ACOT9: variants seen among roughly 807,000 people sequenced by gnomAD.
ACOT9 encodes the protein acyl-coenzyme A thioesterase 9, mitochondrial.
In ACOT9, 34 loss-of-function variants were observed where a neutral mutation model predicts 39.7. That is an observed-to-expected ratio of 0.86 (90% CI 0.65 to 1.14). The LOEUF is 1.14. ACOT9 is among the 50% of genes most tolerant of loss of function. The pLI is 0.00. For missense variants in ACOT9, 313 were observed against 344.1 expected, an observed-to-expected ratio of 0.91 and a Z score of 0.71; for synonymous variants, 110 against 120.5, an observed-to-expected ratio of 0.91 and a Z score of 0.57.
Position 23,703,635 on chromosome X carries a change from T to A in ACOT9, c.*259A>T. ...GCCCAGCCTCTCAATTTTTTTGTTT[T>A]TTCAGAAGATGGGAGGCAACATGGT... On this transcript the variant is annotated 3_prime_UTR_variant, in exon 16 of 16. Transcript: ENST00000379303. 4.0e-6 allele frequency: 1 copy of A among 250,186 alleles called. No individual in the cohort carries two copies. Among genetic ancestry groups the A allele is most frequent in the Non-Finnish European group, 7.1e-6 (1 of 140,029 alleles). 20.6% of individuals were successfully genotyped at this position (250,186 alleles called of 1,213,427 possible).
In ACOT9 at chrX:23,703,780, C is replaced by T; in HGVS notation, c.*114G>A. The T allele has an allele frequency of 1.8e-6, 1 of 566,148 alleles. No homozygotes were observed. Among genetic ancestry groups the T allele is most frequent in the Non-Finnish European group, 2.9e-6 (1 of 342,276 alleles). 46.7% of individuals were successfully genotyped at this position (566,148 alleles called of 1,213,427 possible). On this transcript the variant is annotated 3_prime_UTR_variant, in exon 16 of 16. Transcript: ENST00000379303. ...GATCATCCTAAAGGCTGAATACATCCTCCTCCTGTGTGGAGGACACGAAGC... is the reference window on the plus strand; with the variant it reads ...GATCATCCTAAAGGCTGAATACATCTTCCTCCTGTGTGGAGGACACGAAGC...
intron 8 of ACOT9, among the ~76,000 whole-genome samples, chrX:23,718,538 GT>G (rs747231845): frequency 8.9e-6 from 1 of 112,256 alleles, no homozygotes; most frequent in East Asian, 2.8e-4. Context: ...TAAAAGGCAG[GT>G]CCTGTGCCAG....
Position 23,704,832 on chromosome X carries a change from G to A in ACOT9, c.1120C>T (p.Gln374Ter). 8.3e-7 allele frequency: 1 copy of A among 1,209,340 alleles called. No homozygotes were observed. Reference protein sequence around the residue: ...LFLSSQVCFTQNNYIQVRVHS... With the variant: ...LFLSSQVCFT ...ACTCTGACTTGAATATAATTATTCT[G>A]AGTAAAGCATACCTAACAGATTATA... The change falls in exon 15 of 16, where the codon CAG becomes TAG. Residue 374 changes from glutamine to a stop codon, truncating the protein, a stop_gained. Transcript: ENST00000379303. LOFTEE classifies it high-confidence loss of function.
chrX:23,734,451 G>A, intron 2 of ACOT9, 84 bp from the exon 3 acceptor site: 1 of 828,137 alleles, frequency 1.2e-6, no homozygotes, highest in Non-Finnish European at 1.7e-6. Flanking sequence ...CAAATACTGT[G>A]TTGAGTTTAT....
chrX:23,719,555 C>T (rs772271619), intron 8 of ACOT9, among the ~76,000 whole-genome samples: 44 of 63,097 alleles, frequency 7.0e-4, no homozygotes, highest in Non-Finnish European at 1.1e-3. Flanking sequence ...AATTTTTCCA[C>T]GGAATGGGGT....
rs1219292413 is a variant in ACOT9 at position 23,701,482 on chromosome X, T to TA, written c.*2411dup. On this transcript the variant is annotated 3_prime_UTR_variant, in exon 16 of 16. Coordinates refer to ENST00000379303, the MANE Select transcript of ACOT9 (RefSeq NM_001037171.2). Reference sequence around the variant, plus strand: ...TCAATAAACATTACATAAACTAATATAAAAAAATTGCTTGAGACAGGGTCT... The same window carrying TA: ...TCAATAAACATTACATAAACTAATATAAAAAAAATTGCTTGAGACAGGGTCT... Among the ~76,000 whole-genome samples the TA allele has an allele frequency of 3.6e-5, 4 of 110,703 alleles. No homozygotes were observed. The highest frequency in any genetic ancestry group is 7.6e-5 in the Non-Finnish European group (4 of 52,949).
At chrX:23,720,080 G>A (rs909565878) in intron 8 of ACOT9, among the ~76,000 whole-genome samples, 14 of 112,505 alleles carry the variant, frequency 1.2e-4, no homozygotes, top group East Asian at 5.6e-4. Flanking sequence ...TGATCTGCCC[G>A]CCTTGGCCTC....
rs993536719 is a variant in ACOT9 at position 23,713,223 on chromosome X, A to G, written c.589-15T>C. The stretch of plus-strand genomic sequence containing the variant: ...TCACCATGTAACTGAAGAACAAAGG[A>G]AAGAAAATGTACATATGAGAAATGG... On this transcript the variant is annotated splice_polypyrimidine_tract_variant and intron_variant, in intron 8 of 15. Coordinates refer to ENST00000379303, the MANE Select transcript of ACOT9 (RefSeq NM_001037171.2). 1.7e-6 allele frequency: 2 copies of G among 1,169,276 alleles called. No homozygotes were observed.
At chrX:23,739,040 T>C (rs1255328075) in intron 1 of ACOT9, among the ~76,000 whole-genome samples, 2 of 111,532 alleles carry the variant, frequency 1.8e-5, no homozygotes, top group African/African-American at 6.5e-5. Flanking sequence ...GGCGTATCAC[T>C]TGAGGTTAGG....
At chrX:23,721,083 T>TTTTA (rs1270838133) in intron 8 of ACOT9, among the ~76,000 whole-genome samples, 2 of 110,216 alleles carry the variant, frequency 1.8e-5, no homozygotes, top group East Asian at 2.8e-4. Flanking sequence ...ATTTCTCTAT[T>TTTTA]TTTATTTATT....
In ACOT9 at chrX:23,702,881, G is replaced by A; in HGVS notation, c.*1013C>T. 8.9e-6 allele frequency: 1 copy of A among 112,001 alleles called. No homozygotes were observed. Among genetic ancestry groups the A allele is most frequent in the Middle Eastern group, 4.2e-3 (1 of 240 alleles). 9.2% of individuals were successfully genotyped at this position (112,001 alleles called of 1,213,427 possible). A position where few individuals can be genotyped will look rare whatever the true frequency, so the allele number is the denominator to read the frequency against. On this transcript the variant is annotated 3_prime_UTR_variant, in exon 16 of 16. Coordinates refer to ENST00000379303, the MANE Select transcript of ACOT9 (RefSeq NM_001037171.2). ...TGGTGCCTATCTAGCACATGGCAAT[G>A]CTCCATAAGCATAAGCAGCTATTAT...
chrX:23,706,610 G>GAAAA lies in ACOT9; in HGVS notation c.842+17_842+18insTTTT. The GAAAA allele has an allele frequency of 9.1e-6, 8 of 881,511 alleles. No homozygotes were observed. Among genetic ancestry groups the GAAAA allele is most frequent in the Non-Finnish European group, 1.2e-5 (7 of 600,574 alleles). The allele number at this position is 881,511 out of a possible 1,213,427, so 72.6% of individuals were successfully genotyped here. On this transcript the variant is annotated intron_variant, in intron 11 of 15. Coordinates refer to ENST00000379303, the MANE Select transcript of ACOT9 (RefSeq NM_001037171.2). Reference sequence around the variant, plus strand: ...AAGGTTTAAATGTTTTCCCAACGTGGAATCTCACCATCCTTACTTTGGATC... The same window carrying GAAAA: ...AAGGTTTAAATGTTTTCCCAACGTGGAAAAAATCTCACCATCCTTACTTTGGATC...
chrX:23,729,674 C>G (rs1192373856), intron 6 of ACOT9, among the ~76,000 whole-genome samples: 1 of 112,197 alleles, frequency 8.9e-6, no homozygotes, highest in Non-Finnish European at 1.9e-5. Context: ...CTCTGTCGCC[C>G]AGGCTGGAGT....
intron 6 of ACOT9, among the ~76,000 whole-genome samples, chrX:23,727,096 A>T (rs1211505568): frequency 8.9e-6 from 1 of 112,529 alleles, no homozygotes; most frequent in Non-Finnish European, 1.9e-5. Flanking sequence ...CTGGGATTAC[A>T]GGCGTAAGCC....
intron 6 of ACOT9, among the ~76,000 whole-genome samples, chrX:23,726,217 C>G (rs1347801126): frequency 9.0e-6 from 1 of 111,021 alleles, no homozygotes; most frequent in Non-Finnish European, 1.9e-5. Flanking sequence ...AATAAATAAA[C>G]AAAATAAAAT....
At chrX:23,711,844 A>G (rs144999333) in intron 9 of ACOT9, among the ~76,000 whole-genome samples, 1,117 of 111,573 alleles carry the variant, frequency 0.01, 21 homozygotes, top group African/African-American at 0.035. Flanking sequence ...TACGAGATAT[A>G]CAACATCATC....
intron 1 of ACOT9, among the ~76,000 whole-genome samples, chrX:23,742,239 A>AGAGAGAGAGAGAGG (rs1920978386): frequency 2.0e-5 from 1 of 50,454 alleles, no homozygotes. Context: ...AGAGAGAGGG[A>AGAGAGAGAGAGAGG]GAGAGAGAGA....
intron 6 of ACOT9, 51 bp downstream of exon 6, chrX:23,730,476 T>C: frequency 1.0e-6 from 1 of 956,663 alleles, no homozygotes; most frequent in South Asian, 2.0e-5. Context: ...GTCACAGAAT[T>C]CAATGTATAT....
intron 8 of ACOT9, among the ~76,000 whole-genome samples, chrX:23,720,786 G>A (rs1431959293): frequency 2.7e-5 from 3 of 110,817 alleles, no homozygotes; most frequent in Non-Finnish European, 1.9e-5. Flanking sequence ...CGCAGGATTG[G>A]TTCCAGAACT....
Sources: gnomAD v4.1 joint callset for allele counts (sites outside exome capture counted in the v4.1 genomes callset) on GRCh38, gnomAD v4.1.1 for gene constraint, MANE v1.5 for transcripts, NCBI Gene and HGNC (gene_info 2026-07-23, HGNC 2026-07-21) for gene names.